The following PCDH15 variants were observed in gnomAD, a reference collection of about 807,000 sequenced individuals.
The protein encoded by PCDH15 is protocadherin-15.
PCDH15 carries 129 observed loss-of-function variants against 178.5 expected under a neutral mutation model. The ratio of observed to expected loss-of-function variants is 0.72; its 90% CI spans 0.63 to 0.84. The LOEUF is 0.84. PCDH15 is among the 40% of genes least tolerant of loss of function. The pLI is 0.00. For synonymous variants in PCDH15, 800 were observed against 732.0 expected (o/e 1.09, Z -1.50); for missense variants, 2,230 against 2,099.9 (o/e 1.06, Z -1.21).
At chr10:54,400,624 G>A (rs1407079352) in intron 3 of PCDH15, among the ~76,000 whole-genome samples, 2 of 151,966 alleles carry the variant, frequency 1.3e-5, no homozygotes, top group Non-Finnish European at 2.9e-5. Flanking sequence ...TACTCTTTCA[G>A]TGCCCTGGAA....
At chr10:55,388,705 A>G (rs1350241322) in intron 2 of PCDH15, among the ~76,000 whole-genome samples, 2 of 152,108 alleles carry the variant, frequency 1.3e-5, no homozygotes, top group Admixed American at 1.3e-4. Flanking sequence ...TGGTTTTACT[A>G]AAAAATTAAA....
chr10:54,636,041 AAAGT>A (rs1227008518), intron 2 of PCDH15, among the ~76,000 whole-genome samples: 2 of 151,904 alleles, frequency 1.3e-5, no homozygotes, highest in African/African-American at 4.8e-5. Flanking sequence ...GAAGCTCAAA[AAAGT>A]AAGTAACGTT....
chr10:55,358,129 T>G (rs1232613292), intron 2 of PCDH15, among the ~76,000 whole-genome samples: 1 of 152,102 alleles, frequency 6.6e-6, no homozygotes, highest in Non-Finnish European at 1.5e-5. Context: ...CCCTGTAAAT[T>G]ATAAGTTACG....
At chr10:55,553,661 T>C (rs970721613) in intron 2 of PCDH15, among the ~76,000 whole-genome samples, 4 of 151,862 alleles carry the variant, frequency 2.6e-5, no homozygotes, top group Non-Finnish European at 4.4e-5. Context: ...ATCAGTAACA[T>C]AAACCCTGTA....
intron 6 of PCDH15, among the ~76,000 whole-genome samples, chr10:54,340,731 C>G (rs1942073396): frequency 6.6e-6 from 1 of 152,128 alleles, no homozygotes; most frequent in Admixed American, 6.5e-5. Flanking sequence ...GGGTTTTCTA[C>G]ATTGGCATGG....
At chr10:54,503,739 A>G (rs1376676081) in intron 3 of PCDH15, among the ~76,000 whole-genome samples, 1 of 152,094 alleles carries the variant, frequency 6.6e-6, no homozygotes, top group Non-Finnish European at 1.5e-5. Context: ...TTATAATTAG[A>G]GACAAATGAA....
chr10:54,310,999 A>G (rs560328546), intron 8 of PCDH15, among the ~76,000 whole-genome samples: 1 of 152,154 alleles, frequency 6.6e-6, no homozygotes, highest in Admixed American at 6.6e-5. Flanking sequence ...ACTGAAAATC[A>G]TCATTACTTT....
chr10:54,659,983 A>C (rs970174149), intron 2 of PCDH15, among the ~76,000 whole-genome samples: 3 of 152,096 alleles, frequency 2.0e-5, no homozygotes, highest in African/African-American at 7.2e-5. Flanking sequence ...TAAAAAGATA[A>C]AAATATCTTA....
At chr10:54,101,731 C>A (rs1216556823) in intron 15 of PCDH15, among the ~76,000 whole-genome samples, 1 of 152,006 alleles carries the variant, frequency 6.6e-6, no homozygotes, top group East Asian at 1.9e-4. Flanking sequence ...TTTTGGGAGA[C>A]TGAGACCAGA....
intron 8 of PCDH15, among the ~76,000 whole-genome samples, chr10:54,237,555 G>A (rs2054764122): frequency 6.6e-6 from 1 of 151,926 alleles, no homozygotes; most frequent in Admixed American, 6.6e-5. Flanking sequence ...GTACTATTTT[G>A]TTGTGCTATC....
chr10:54,956,697 C>T (rs1838496572), intron 2 of PCDH15, among the ~76,000 whole-genome samples: 1 of 151,250 alleles, frequency 6.6e-6, no homozygotes, highest in Admixed American at 6.6e-5. Flanking sequence ...AGCAGTTATC[C>T]AGGACTATTT....
chr10:54,489,949 A>G (rs1014923573), intron 3 of PCDH15, among the ~76,000 whole-genome samples: 1 of 152,180 alleles, frequency 6.6e-6, no homozygotes, highest in African/African-American at 2.4e-5. Context: ...TGTTTAGTTC[A>G]ATAACTGGCA....
At chr10:54,517,466 G>A (rs558455719) in intron 3 of PCDH15, among the ~76,000 whole-genome samples, 4 of 152,156 alleles carry the variant, frequency 2.6e-5, no homozygotes, top group African/African-American at 9.6e-5. Context: ...GACAAAGAAG[G>A]CCATTACATA....
At chr10:55,350,248 TATATATATATATATATATATACACACAC>T (rs1339876511) in intron 2 of PCDH15, among the ~76,000 whole-genome samples, 7 of 63,290 alleles carry the variant, frequency 1.1e-4, no homozygotes, top group African/African-American at 5.3e-4. Context: ...TATATATATA[TATATATATATATATATATATACACACAC>T]ACACACACAC....
intron 2 of PCDH15, among the ~76,000 whole-genome samples, chr10:55,415,638 T>TA (rs1391111096): frequency 6.6e-6 from 1 of 151,680 alleles, no homozygotes; most frequent in African/African-American, 2.4e-5. Context: ...AGGGTTTGGA[T>TA]ACCAGGATGA....
At chr10:54,873,024 AC>A (rs151241931) in intron 3 of PCDH15, among the ~76,000 whole-genome samples, 34,197 of 151,956 alleles carry the variant, frequency 0.23, 4,536 homozygotes, top group Non-Finnish European at 0.31. Flanking sequence ...AGGAAAAAAA[AC>A]GAAACAATTT....
chr10:53,969,176 G>A (rs1166020118), intron 21 of PCDH15, among the ~76,000 whole-genome samples: 1 of 152,170 alleles, frequency 6.6e-6, no homozygotes, highest in African/African-American at 2.4e-5. Context: ...ACCTGATGGA[G>A]CTGAAAACCA....
At chr10:54,304,272 A>C (rs2133329533) in intron 8 of PCDH15, among the ~76,000 whole-genome samples, 1 of 152,258 alleles carries the variant, frequency 6.6e-6, no homozygotes, top group African/African-American at 2.4e-5. Flanking sequence ...GAGCTACTAT[A>C]AATTGTATTC....
chr10:55,622,061 T>C (rs1197240305), intron 2 of PCDH15, among the ~76,000 whole-genome samples: 1 of 139,380 alleles, frequency 7.2e-6, no homozygotes, highest in East Asian at 2.0e-4. Context: ...ATTGTATATA[T>C]AATGTATATA....
Sources: gnomAD v4.1 joint callset for allele counts (sites outside exome capture counted in the v4.1 genomes callset) on GRCh38, gnomAD v4.1.1 for gene constraint, MANE v1.5 for transcripts, NCBI Gene and HGNC (gene_info 2026-07-23, HGNC 2026-07-21) for gene names.